OSGEP: variants seen among roughly 807,000 people sequenced by gnomAD.
OSGEP encodes tRNA N6-adenosine threonylcarbamoyltransferase.
OSGEP carries 39 observed loss-of-function variants against 44.1 expected under a neutral mutation model. That is an observed-to-expected ratio of 0.88 (90% CI 0.69 to 1.16). OSGEP has a LOEUF of 1.16. Among genes scored for constraint, OSGEP ranks in the 50% most tolerant of loss-of-function variants. The pLI is 0.00. For synonymous variants in OSGEP, 139 were observed against 161.9 expected, an observed-to-expected ratio of 0.86 and a Z score of 1.07; for missense variants, 403 against 443.1, an observed-to-expected ratio of 0.91 and a Z score of 0.81.
chr14:20,450,074 T>C (rs1207077445), intron 3 of OSGEP: 1 of 151,610 alleles, frequency 6.6e-6, no homozygotes, highest in African/African-American at 2.4e-5. Flanking sequence ...GACAGAGTCT[T>C]GTTCTGTCGC....
At position 20,454,593 on chromosome 14, in the gene OSGEP, T is replaced by G; in HGVS notation, c.91A>C (p.Thr31Pro). 1.2e-6 allele frequency: 2 copies of G among 1,614,018 alleles called. No individual in the cohort carries two copies. The highest frequency in any genetic ancestry group is 1.7e-6 in the Non-Finnish European group (2 of 1,179,870). Reference sequence around the variant, plus strand: ...CCTGTGCCAGGAGGCGTGACGTAAGTCCGCCGCGGGTTCGCCAGCACCTTG... The same window carrying G: ...CCTGTGCCAGGAGGCGTGACGTAAGGCCGCCGCGGGTTCGCCAGCACCTTG... ...DGKVLANPRRTYVTPPGTGFL... is the reference protein window; with the variant it reads ...DGKVLANPRRPYVTPPGTGFL... Residue 31 changes from threonine (T) to proline (P), a missense_variant, in exon 1 of 11, where the codon ACT becomes CCT. Transcript: ENST00000206542.
Position 20,454,720 on chromosome 14 carries a change from G to C in OSGEP, c.-37C>G. The C allele has an allele frequency of 6.8e-7, 1 of 1,468,328 alleles. No homozygotes were observed. The highest frequency in any genetic ancestry group is 9.5e-7 in the Non-Finnish European group (1 of 1,049,404). 91.0% of individuals were successfully genotyped at this position (1,468,328 alleles called of 1,614,324 possible). ...GGAGAAAACGCCGACAGGACTCCTG[G>C]CAATGTCAGGAGCTGTGGAGGTCCT... On this transcript the variant is annotated 5_prime_UTR_variant, in exon 1 of 11. Coordinates refer to ENST00000206542, the MANE Select transcript of OSGEP (RefSeq NM_017807.4).
At position 20,447,927 on chromosome 14, in the gene OSGEP, G is replaced by A. The variant is rs755429966; in HGVS notation, c.770C>T (p.Ala257Val). 6 of 1,612,208 alleles carry A rather than the reference G, an allele frequency of 3.7e-6. No homozygotes were observed. Among genetic ancestry groups the A allele is most frequent in the Non-Finnish European group, 5.1e-6 (6 of 1,178,224 alleles). The change falls in exon 8 of 11, where the codon GCC becomes GTC. Residue 257 changes from alanine to valine, a missense_variant. By Grantham distance (64) the Ala-to-Val change is moderately conservative (BLOSUM62 0). Transcript: ENST00000206542. ...RAMAHCGSQE[A>V]LIVGGVGCNV... ...ACACCCCACTCCTCCCACAATGAGGGCCTCCTGGGAGCCACAATGTGCCAT... is the reference window on the plus strand; with the variant it reads ...ACACCCCACTCCTCCCACAATGAGGACCTCCTGGGAGCCACAATGTGCCAT...
At chr14:20,448,237 A>C in intron 6 of OSGEP, 66 bp from the exon 7 acceptor site, 1 of 1,274,152 alleles carries the variant, frequency 7.8e-7, no homozygotes, top group African/African-American at 1.5e-5. Context: ...GAGAGCAAAA[A>C]TTAATGCATT....
chr14:20,452,104 C>T lies in OSGEP; in HGVS notation c.281G>A (p.Arg94His), dbSNP rs747258485. The change falls in exon 3 of 11, where the codon CGT (arginine) becomes CAT (histidine). Residue 94 changes from arginine (R) to histidine (H), a missense_variant. Physicochemically the swap from Arg to His is conservative, Grantham distance 29 (BLOSUM62 0). Coordinates refer to ENST00000206542, the MANE Select transcript of OSGEP (RefSeq NM_017807.4). ...CTTATTCCACAGTTGGGCCACAGTA[C>T]GGGCCACAACAGCCACAGAAACCAG... Reference protein sequence around the residue: ...APLVSVAVVARTVAQLWNKPL... With the variant: ...APLVSVAVVAHTVAQLWNKPL... 1 of 1,613,302 alleles carries T rather than the reference C, an allele frequency of 6.2e-7. No individual in the cohort carries two copies. Among genetic ancestry groups the T allele is most frequent in the Non-Finnish European group, 8.5e-7 (1 of 1,179,638 alleles).
intron 6 of OSGEP, among the ~76,000 whole-genome samples, 186 bp downstream of exon 6, chr14:20,448,547 A>T (rs1053199138): frequency 6.6e-6 from 1 of 152,124 alleles, no homozygotes; most frequent in Non-Finnish European, 1.5e-5. Flanking sequence ...TCTACTATCT[A>T]GAACAGCATG....
At position 20,446,999 on chromosome 14, in the gene OSGEP, GA is replaced by G. The variant is rs1299962472; in HGVS notation, c.*240del. 3 of 431,142 alleles carry G rather than the reference GA, an allele frequency of 7.0e-6. No individual in the cohort carries two copies. The highest frequency in any genetic ancestry group is 1.2e-5 in the Non-Finnish European group (3 of 243,262). 26.7% of individuals were successfully genotyped at this position (431,142 alleles called of 1,614,324 possible). A position where few individuals can be genotyped will look rare whatever the true frequency, so the allele number is the denominator to read the frequency against. On this transcript the variant is annotated 3_prime_UTR_variant, in exon 11 of 11. Coordinates refer to ENST00000206542, the MANE Select transcript of OSGEP (RefSeq NM_017807.4). ...GTTCCACAGCAGCAAGCTCCAACAA[GA>G]ATTTATCCAGCACCAAATCTACATT...
chr14:20,448,715 A>T lies in OSGEP; in HGVS notation c.636+18T>A. 1.9e-6 allele frequency: 3 copies of T among 1,565,458 alleles called. No homozygotes were observed. Among genetic ancestry groups the T allele is most frequent in the Non-Finnish European group, 1.8e-6 (2 of 1,135,766 alleles). On this transcript the variant is annotated intron_variant, in intron 6 of 10. Coordinates refer to ENST00000206542, the MANE Select transcript of OSGEP (RefSeq NM_017807.4). ...TAAAAAGCATGAAAGTGCCCGTCTC[A>T]TCACCTCTCACACTCACCTCAATGA...
chr14:20,447,634 G>C lies in OSGEP; in HGVS notation c.850C>G (p.Leu284Val), dbSNP rs1183576123. The C allele has an allele frequency of 6.2e-7, 1 of 1,613,920 alleles. No homozygotes were observed. The highest frequency in any genetic ancestry group is 8.5e-7 in the Non-Finnish European group (1 of 1,179,898). Residue 284 changes from leucine (L) to valine (V), a missense_variant, in exon 9 of 11, where the codon CTT becomes GTT. Coordinates refer to ENST00000206542, the MANE Select transcript of OSGEP (RefSeq NM_017807.4). The stretch of plus-strand genomic sequence containing the variant: ...CTTTACCTCTCATCTGTAGCAAAAA[G>C]CCGGGCTCCACGTTCCTGGCACATT... The part of the protein sequence containing the change: ...ATMCQERGAR[L>V]FATDERFCID...
intron 1 of OSGEP, among the ~76,000 whole-genome samples, chr14:20,453,460 G>A (rs549292067): frequency 9.9e-5 from 15 of 151,666 alleles, no homozygotes; most frequent in Admixed American, 3.9e-4. Context: ...TCTGTCTCCC[G>A]GGTTCACGCA....
intron 1 of OSGEP, 101 bp from the exon 2 acceptor site, chr14:20,452,549 T>A: frequency 9.1e-7 from 1 of 1,099,816 alleles, no homozygotes; most frequent in African/African-American, 1.6e-5. Context: ...GTAGTAAGAG[T>A]CCTTTCACTT....
intron 3 of OSGEP, chr14:20,449,574 T>C (rs569563102): frequency 9.6e-6 from 3 of 311,638 alleles, no homozygotes; most frequent in East Asian, 1.5e-4. Flanking sequence ...GCAGTCTTGA[T>C]AGTAGGTAAC....
At chr14:20,449,130 T>C (rs773544501) in intron 4 of OSGEP, 41 bp downstream of exon 4, 10 of 1,540,176 alleles carry the variant, frequency 6.5e-6, no homozygotes, top group Non-Finnish European at 9.0e-6. Flanking sequence ...TTCCCAAAAA[T>C]TCACCCACAT....
At chr14:20,448,939 C>T (rs1466253312) in intron 5 of OSGEP, 25 bp downstream of exon 5, 21 of 1,613,260 alleles carry the variant, frequency 1.3e-5, no homozygotes, top group Non-Finnish European at 1.6e-5. Flanking sequence ...AGCAGCCAGC[C>T]TGCTTCCACC....
At position 20,454,565 on chromosome 14, in the gene OSGEP, C is replaced by T; in HGVS notation, c.115+4G>A. Reference sequence around the variant, plus strand: ...GAAAACTCTTAAGTCCCCTACTCACCAACCTGTGCCAGGAGGCGTGACGTA... The same window carrying T: ...GAAAACTCTTAAGTCCCCTACTCACTAACCTGTGCCAGGAGGCGTGACGTA... On this transcript the variant is annotated splice_donor_region_variant and intron_variant, in intron 1 of 10. Coordinates refer to ENST00000206542, the MANE Select transcript of OSGEP (RefSeq NM_017807.4). 1 of 1,606,354 alleles carries T rather than the reference C, an allele frequency of 6.2e-7. No homozygotes were observed. Among genetic ancestry groups the T allele is most frequent in the Non-Finnish European group, 8.5e-7 (1 of 1,172,858 alleles).
chr14:20,449,422 C>G, intron 3 of OSGEP, 156 bp from the exon 4 acceptor site: 12 of 629,576 alleles, frequency 1.9e-5, no homozygotes, highest in Non-Finnish European at 3.5e-5. Flanking sequence ...GTAGTTTTTA[C>G]AGCTCTGATT....
intron 3 of OSGEP, chr14:20,450,411 G>A (rs948934185): frequency 2.0e-5 from 3 of 152,168 alleles, no homozygotes; most frequent in Non-Finnish European, 4.4e-5. Flanking sequence ...CAAAGGCGAA[G>A]GAAAAATCCT....
intron 10 of OSGEP, 30 bp from the exon 11 acceptor site, chr14:20,447,309 G>C: frequency 1.2e-6 from 2 of 1,613,846 alleles, no homozygotes; most frequent in South Asian, 2.2e-5. Context: ...ACATGGTGGA[G>C]AGCGAGCCCT....
At chr14:20,449,385 G>A in intron 3 of OSGEP, 119 bp from the exon 4 acceptor site, 2 of 696,988 alleles carry the variant, frequency 2.9e-6, no homozygotes, top group Non-Finnish European at 5.3e-6. Context: ...AGAAGTGGAA[G>A]AAAGGTGTTT....
Sources: allele counts gnomAD v4.1 joint callset (sites outside exome capture counted in the v4.1 genomes callset), GRCh38; gene constraint gnomAD v4.1.1; transcripts MANE v1.5; gene names NCBI Gene and HGNC (gene_info 2026-07-23, HGNC 2026-07-21).